The following NBEAL1 variants were observed in gnomAD, a reference collection of about 807,000 sequenced individuals.
NBEAL1 encodes neurobeachin-like protein 1.
NBEAL1 carries 273 observed loss-of-function variants against 351.3 expected under a neutral mutation model. The ratio of observed to expected loss-of-function variants is 0.78; its 90% CI spans 0.70 to 0.86. The LOEUF (loss-of-function observed/expected upper bound fraction) is 0.86, where lower values mean the gene tolerates loss of function less well. Ranked by LOEUF, NBEAL1 falls within the 40% of genes least tolerant of loss-of-function variation. The pLI is 0.00. For missense variants in NBEAL1, 2,961 were observed against 3,201.3 expected (o/e 0.92, Z 1.81); for synonymous variants, 1,050 against 1,086.4 (o/e 0.97, Z 0.66).
chr2:203,169,733 G>C lies in NBEAL1; in HGVS notation c.5998-14G>C. The C allele has an allele frequency of 1.4e-6, 2 of 1,435,130 alleles. 1 individual carries two copies. The highest frequency in any genetic ancestry group is 2.4e-5 in the South Asian group (2 of 82,356). 88.9% of individuals were successfully genotyped at this position (1,435,130 alleles called of 1,614,324 possible). A position where few individuals can be genotyped will look rare whatever the true frequency, so the allele number is the denominator to read the frequency against. On this transcript the variant is annotated splice_polypyrimidine_tract_variant and intron_variant, in intron 38 of 55. Coordinates refer to ENST00000683969, the MANE Select transcript of NBEAL1 (RefSeq NM_001378026.1). ...TTGATTCATTTTTAAAGTATAAAATGCTGTTTTTTATAGGTTAGAAACAAA... is the reference window on the plus strand; with the variant it reads ...TTGATTCATTTTTAAAGTATAAAATCCTGTTTTTTATAGGTTAGAAACAAA...
In NBEAL1 at chr2:203,107,821, T is replaced by C. The variant is rs956840225; in HGVS notation, c.1582T>C (p.Leu528=). The C allele has an allele frequency of 1.5e-5, 23 of 1,554,548 alleles. No individual in the cohort carries two copies. In the African/African-American group the frequency reaches 3.1e-4, roughly 21 times the overall value. Residue 528 remains leucine, a synonymous_variant, in exon 14 of 56, where the codon TTG becomes CTG. Coordinates refer to ENST00000683969, the MANE Select transcript of NBEAL1 (RefSeq NM_001378026.1). ...MGIRIIETLD[L]HSSLHQTCAE... is the part of the protein sequence containing the mutation. ...GATTAGAATCATTGAAACCCTTGACTTGCATTCTTCCCTCCATCAAACTTG... is the reference window on the plus strand; with the variant it reads ...GATTAGAATCATTGAAACCCTTGACCTGCATTCTTCCCTCCATCAAACTTG...
chr2:203,212,453 A>G (rs986771905), intron 54 of NBEAL1, among the ~76,000 whole-genome samples: 6 of 151,772 alleles, frequency 4.0e-5, no homozygotes, highest in Admixed American at 1.3e-4. Context: ...CTAAAAGTAC[A>G]AAAATTAGCC....
intron 18 of NBEAL1, among the ~76,000 whole-genome samples, chr2:203,119,246 T>C (rs984717827): frequency 6.6e-6 from 1 of 151,510 alleles, no homozygotes; most frequent in Non-Finnish European, 1.5e-5. Flanking sequence ...TGGCTCATTG[T>C]AGCCTCATCC....
chr2:203,188,378 A>G, intron 44 of NBEAL1, 94 bp from the exon 45 acceptor site: 1 of 604,960 alleles, frequency 1.7e-6, no homozygotes, highest in East Asian at 3.0e-5. Context: ...GTGTGTGGAA[A>G]TGTTTCATTT....
At chr2:203,056,913 C>T (rs895062236) in intron 5 of NBEAL1, among the ~76,000 whole-genome samples, 6 of 151,958 alleles carry the variant, frequency 3.9e-5, no homozygotes, top group Non-Finnish European at 8.8e-5. Context: ...TATTTTCAGA[C>T]GAGGTAATAA....
At chr2:203,025,351 G>T (rs1056788714) in intron 2 of NBEAL1, among the ~76,000 whole-genome samples, 1 of 152,100 alleles carries the variant, frequency 6.6e-6, no homozygotes, top group Non-Finnish European at 1.5e-5. Context: ...TTTCTATATG[G>T]AGCTTATAGA....
intron 55 of NBEAL1, among the ~76,000 whole-genome samples, chr2:203,214,262 T>C (rs2065861933): frequency 6.6e-6 from 1 of 152,236 alleles, no homozygotes; most frequent in South Asian, 2.1e-4. Context: ...AAATTAAGCA[T>C]TATAAATTTT....
Position 203,224,435 on chromosome 2 carries a change from A to G in NBEAL1, c.*7081A>G, listed in dbSNP as rs2065987012. 6.6e-6 allele frequency among the ~76,000 whole-genome samples: 1 copy of G among 152,104 alleles called. No homozygotes were observed. The highest frequency in any genetic ancestry group is 1.5e-5 in the Non-Finnish European group (1 of 67,956). Reference sequence around the variant, plus strand: ...CTAGATAGCCATTTCTCTCAGATTCATTGCTATAAAAATGAATCTACTGAG... The same window carrying G: ...CTAGATAGCCATTTCTCTCAGATTCGTTGCTATAAAAATGAATCTACTGAG... On this transcript the variant is annotated 3_prime_UTR_variant, in exon 56 of 56. Transcript: ENST00000683969.
At chr2:203,085,123 G>C (rs2061939430) in intron 10 of NBEAL1, 1 of 152,610 alleles carries the variant, frequency 6.6e-6, no homozygotes, top group African/African-American at 2.4e-5. Flanking sequence ...TTTTGAGATG[G>C]AGTCTCGCCC....
At chr2:203,205,319 A>G (rs1212351466) in intron 51 of NBEAL1, among the ~76,000 whole-genome samples, 2 of 152,130 alleles carry the variant, frequency 1.3e-5, no homozygotes, top group African/African-American at 4.8e-5. Flanking sequence ...TTAACCATTT[A>G]AAAGTTTGAG....
Position 203,083,510 on chromosome 2 carries a change from C to G in NBEAL1, c.976C>G (p.Gln326Glu). The change falls in exon 9 of 56, where the codon CAG becomes GAG. Residue 326 changes from glutamine to glutamate, a missense_variant. Gln to Glu is a conservative substitution (Grantham distance 29, BLOSUM62 2). Coordinates refer to ENST00000683969, the MANE Select transcript of NBEAL1 (RefSeq NM_001378026.1). ...GTGGGAAAACCGATTTATTGCTCTA[C>G]AGATCAAAATGCTGAGTAAGTATTA... ...RQWENRFIALQIKMLNTITAM... is the reference protein window; with the variant it reads ...RQWENRFIALEIKMLNTITAM... The G allele has an allele frequency of 6.5e-7, 1 of 1,541,998 alleles. No individual in the cohort carries two copies. The highest frequency in any genetic ancestry group is 8.8e-7 in the Non-Finnish European group (1 of 1,141,588).
intron 17 of NBEAL1, 68 bp from the exon 18 acceptor site, chr2:203,115,917 C>G: frequency 9.8e-7 from 1 of 1,015,864 alleles, no homozygotes; most frequent in East Asian, 2.7e-5. Flanking sequence ...AAATTTTATT[C>G]TGATAACACA....
intron 7 of NBEAL1, among the ~76,000 whole-genome samples, chr2:203,076,489 A>C (rs1183752301): frequency 7.4e-6 from 1 of 136,026 alleles, no homozygotes; most frequent in Non-Finnish European, 1.6e-5. Flanking sequence ...AAACAAACAA[A>C]CAAACAAAAA....
rs575339895 is a variant in NBEAL1, at chr2:203,222,548, C to A, written c.*5194C>A. Reference sequence around the variant, plus strand: ...TTGCCTGCCACAAAAACAACAAAATCTCCTTTCAATTGAGTTATTTTTATC... The same window carrying A: ...TTGCCTGCCACAAAAACAACAAAATATCCTTTCAATTGAGTTATTTTTATC... On this transcript the variant is annotated 3_prime_UTR_variant, in exon 56 of 56. Transcript: ENST00000683969. 5.3e-5 allele frequency among the ~76,000 whole-genome samples: 8 copies of A among 152,224 alleles called. No individual in the cohort carries two copies. The South Asian group carries it at 1.5e-3, about 28-fold the overall frequency.
intron 8 of NBEAL1, among the ~76,000 whole-genome samples, chr2:203,081,805 T>A (rs905362552): frequency 6.6e-6 from 1 of 152,184 alleles, no homozygotes; most frequent in East Asian, 1.9e-4. Flanking sequence ...CAAGTATCTT[T>A]TAAAGACATA....
chr2:203,106,366 C>G (rs1464837770), intron 12 of NBEAL1, among the ~76,000 whole-genome samples: 1 of 152,180 alleles, frequency 6.6e-6, no homozygotes, highest in Non-Finnish European at 1.5e-5. Flanking sequence ...TGTTAGGAGA[C>G]TCTAACTTTT....
intron 52 of NBEAL1, 75 bp from the exon 53 acceptor site, chr2:203,209,086 G>GCC: frequency 8.5e-7 from 1 of 1,170,418 alleles, no homozygotes; most frequent in Non-Finnish European, 1.2e-6. Flanking sequence ...TCTTTATCTG[G>GCC]CCCACTCTAC....
At chr2:203,058,320 T>A (rs1023903794) in intron 6 of NBEAL1, among the ~76,000 whole-genome samples, 1 of 152,142 alleles carries the variant, frequency 6.6e-6, no homozygotes, top group Non-Finnish European at 1.5e-5. Flanking sequence ...CATGAACCAC[T>A]GCACCCAGCC....
intron 53 of NBEAL1, among the ~76,000 whole-genome samples, chr2:203,210,349 C>A (rs1474613829): frequency 7.5e-6 from 1 of 132,466 alleles, no homozygotes; most frequent in African/African-American, 2.9e-5. Flanking sequence ...GACAATAGAG[C>A]GAGACATGGC....
Sources: gnomAD v4.1 joint callset for allele counts (sites outside exome capture counted in the v4.1 genomes callset) on GRCh38, gnomAD v4.1.1 for gene constraint, MANE v1.5 for transcripts, NCBI Gene and HGNC (gene_info 2026-07-23, HGNC 2026-07-21) for gene names.